DSG2: variants seen among roughly 807,000 people sequenced by gnomAD.
The protein encoded by DSG2 is desmoglein 2.
A neutral mutation model predicts 75.6 loss-of-function variants in DSG2; 45 were observed. The ratio of observed to expected loss-of-function variants is 0.60; its 90% confidence interval spans 0.47 to 0.76. DSG2 has a LOEUF of 0.76. Ranked by LOEUF, DSG2 falls within the 30% of genes least tolerant of loss-of-function variation. The probability of loss-of-function intolerance (pLI) is 0.00; values close to 1 mark genes in which losing one functional copy is unlikely to be tolerated. For synonymous variants in DSG2, 429 were observed against 483.9 expected, an observed-to-expected ratio of 0.89 and a Z score of 1.49; for missense variants, 1,267 against 1,357.4, an observed-to-expected ratio of 0.93 and a Z score of 1.05.
intron 13 of DSG2, among the ~76,000 whole-genome samples, chr18:31,541,694 C>T (rs531215214): frequency 6.6e-6 from 1 of 152,308 alleles, no homozygotes; most frequent in South Asian, 2.1e-4. Flanking sequence ...CCCCATGACA[C>T]TTGTAAAATG....
chr18:31,516,421 G>C (rs111834858), intron 1 of DSG2, among the ~76,000 whole-genome samples: 2 of 152,322 alleles, frequency 1.3e-5, no homozygotes, highest in African/African-American at 4.8e-5. Context: ...CATCTCATAA[G>C]AGTGAATAGG....
chr18:31,513,698 C>T lies in DSG2; in HGVS notation c.46-4541C>T, dbSNP rs74666173. Among the ~76,000 whole-genome samples the T allele has an allele frequency of 5.5e-3, 842 of 152,298 alleles. 8 individuals are homozygous for T. Among genetic ancestry groups the T allele is most frequent in the African/African-American group, 0.019 (788 of 41,554 alleles). On this transcript the variant is annotated intron_variant, in intron 1 of 14. Transcript: ENST00000261590. ...TCTGGCAGGATCTCCTCCCCGCTTC[C>T]CTCTGCCCTGAGGATGGGTTAGACT...
chr18:31,510,517 T>C (rs1375344713), intron 1 of DSG2, among the ~76,000 whole-genome samples: 2 of 152,094 alleles, frequency 1.3e-5, no homozygotes, highest in African/African-American at 4.8e-5. Context: ...GAAAGTCTTT[T>C]CTAAAAGTGC....
intron 9 of DSG2, among the ~76,000 whole-genome samples, chr18:31,533,998 T>C (rs1218437606): frequency 2.0e-5 from 3 of 148,848 alleles, no homozygotes; most frequent in African/African-American, 7.4e-5. Flanking sequence ...TTTCTTTTTT[T>C]TTTTTTTTTT....
chr18:31,500,036 T>TAAAAA (rs10625787), intron 1 of DSG2, among the ~76,000 whole-genome samples: 53 of 110,944 alleles, frequency 4.8e-4, no homozygotes, highest in Middle Eastern at 5.3e-3. Context: ...AGTTTTTTGG[T>TAAAAA]AAAAAAAAAA....
intron 1 of DSG2, among the ~76,000 whole-genome samples, chr18:31,504,141 C>T (rs946535956): frequency 1.3e-5 from 2 of 152,146 alleles, no homozygotes; most frequent in Non-Finnish European, 2.9e-5. Flanking sequence ...GGTCTCACCT[C>T]GAAATCACAC....
intron 3 of DSG2, 52 bp downstream of exon 3, chr18:31,519,989 TGAGAGGACTTTTATGTCTACTTTAA>T (rs1260221467): frequency 1.9e-6 from 3 of 1,610,614 alleles, no homozygotes; most frequent in Non-Finnish European, 2.5e-6. Flanking sequence ...AAATGTGGTG[TGAGAGGACTTTTATGTCTACTTTAA>T]GATTTAAGGA....
chr18:31,515,062 G>A (rs952895659), intron 1 of DSG2, among the ~76,000 whole-genome samples: 6 of 152,150 alleles, frequency 3.9e-5, no homozygotes, highest in Non-Finnish European at 8.8e-5. Context: ...TCAAAGAGAA[G>A]AGTCTGATGG....
At chr18:31,541,100 AG>A in intron 12 of DSG2, 92 bp from the exon 13 acceptor site, 4 of 1,501,640 alleles carry the variant, frequency 2.7e-6, no homozygotes, top group Non-Finnish European at 3.7e-6. Flanking sequence ...AGACAAGTCC[AG>A]GAAGGGACAT....
intron 9 of DSG2, 44 bp downstream of exon 9, chr18:31,531,296 T>G: frequency 6.2e-7 from 1 of 1,603,536 alleles, no homozygotes; most frequent in Non-Finnish European, 8.5e-7. Context: ...TAAATTATTT[T>G]CAGTGCCTAT....
intron 1 of DSG2, 78 bp downstream of exon 1, chr18:31,498,374 C>G (rs2072995424): frequency 4.1e-6 from 5 of 1,233,022 alleles, no homozygotes; most frequent in Non-Finnish European, 5.1e-6. Context: ...CGCGACCAGA[C>G]TTGCCCGCCG....
At chr18:31,532,354 C>G (rs1325896200) in intron 9 of DSG2, among the ~76,000 whole-genome samples, 4 of 152,094 alleles carry the variant, frequency 2.6e-5, no homozygotes, top group Non-Finnish European at 5.9e-5. Flanking sequence ...GCCCTCATGA[C>G]TTAATCACTT....
Position 31,530,975 on chromosome 18 carries a change from T to C in DSG2, c.1015-12T>C. The C allele has an allele frequency of 6.2e-7, 1 of 1,613,700 alleles. No homozygotes were observed. The highest frequency in any genetic ancestry group is 1.7e-5 in the Admixed American group (1 of 60,014). On this transcript the variant is annotated splice_polypyrimidine_tract_variant and intron_variant, in intron 8 of 14. Transcript: ENST00000261590. The stretch of plus-strand genomic sequence containing the variant: ...CTCTTTGAAAAGAATTCCCTTTGGT[T>C]TTCCCTTTCAGGAAGTAGATTATGA...
chr18:31,541,229 AG>A lies in DSG2; in HGVS notation c.1919del (p.Gly640AlafsTer12). On this transcript the variant is annotated frameshift_variant, in exon 13 of 15. Coordinates refer to ENST00000261590, the MANE Select transcript of DSG2 (RefSeq NM_001943.5). LOFTEE classifies it high-confidence loss of function. ...PLLLLMCHCG[K>X]GAKGFTPIPG... is the part of the protein sequence containing the mutation. Reference sequence around the variant, plus strand: ...TTACTGCTGATGTGCCATTGCGGAAAGGGCGCCAAAGGCTTTACCCCCATAC... The same window carrying A: ...TTACTGCTGATGTGCCATTGCGGAAAGGCGCCAAAGGCTTTACCCCCATAC... The A allele has an allele frequency of 6.2e-7, 1 of 1,614,202 alleles. No homozygotes were observed. The highest frequency in any genetic ancestry group is 8.5e-7 in the Non-Finnish European group (1 of 1,180,020).
In DSG2 at chr18:31,548,206, C is replaced by T. The variant is rs1332654940; in HGVS notation, c.*1463C>T. On this transcript the variant is annotated 3_prime_UTR_variant, in exon 15 of 15. Transcript: ENST00000261590. ...CCTTTTCTACAAGTTAATTTTTTTA[C>T]AAATCATTTGGGTTATCTCCTAAAT... is the stretch of plus-strand genomic sequence containing the variant. 6.6e-6 allele frequency: 1 copy of T among 152,062 alleles called. No homozygotes were observed. Among genetic ancestry groups the T allele is most frequent in the Non-Finnish European group, 1.5e-5 (1 of 67,988 alleles). 9.4% of individuals were successfully genotyped at this position (152,062 alleles called of 1,614,324 possible). A position where few individuals can be genotyped will look rare whatever the true frequency, so the allele number is the denominator to read the frequency against.
chr18:31,548,053 G>A lies in DSG2; in HGVS notation c.*1310G>A, dbSNP rs1007496921. The A allele has an allele frequency of 6.6e-6, 1 of 151,966 alleles. No individual in the cohort carries two copies. Among genetic ancestry groups the A allele is most frequent in the Non-Finnish European group, 1.5e-5 (1 of 67,948 alleles). The allele number at this position is 151,966 out of a possible 1,614,324, so 9.4% of individuals were successfully genotyped here. A position where few individuals can be genotyped will look rare whatever the true frequency, so the allele number is the denominator to read the frequency against. On this transcript the variant is annotated 3_prime_UTR_variant, in exon 15 of 15. Transcript: ENST00000261590. ...AAATCTCAAAAGGCCCTGTATTTAT[G>A]TAATTCTTTGAAATTATTATTTTAT...
rs727505205 is a variant in DSG2 at position 31,519,819 on chromosome 18, A to G, written c.98A>G (p.Asn33Ser). The G allele has an allele frequency of 2.4e-5, 39 of 1,614,092 alleles. No homozygotes were observed. The highest frequency in any genetic ancestry group is 3.2e-5 in the Non-Finnish European group (38 of 1,180,046). ...TTGTTATAGGTCTTAAGCACAAGAA[A>G]TGAAAATAAGCTGCTTCCTAAACAT... ...GLHLQVLSTR[N>S]ENKLLPKHPH... The change falls in exon 3 of 15, where the codon AAT becomes AGT. Residue 33 changes from asparagine (N) to serine (S), a missense_variant. Transcript: ENST00000261590.
chr18:31,538,267 C>CA, intron 11 of DSG2, among the ~76,000 whole-genome samples: 1 of 151,586 alleles, frequency 6.6e-6, no homozygotes, highest in South Asian at 2.1e-4. Context: ...GTGTTGAGAA[C>CA]AAAAAAAGAA....
At chr18:31,536,772 A>C (rs914442810) in intron 11 of DSG2, among the ~76,000 whole-genome samples, 1 of 152,344 alleles carries the variant, frequency 6.6e-6, no homozygotes, top group East Asian at 1.9e-4. Context: ...TTAAAACAAC[A>C]TTTATTGAGC....
Sources: allele counts gnomAD v4.1 joint callset (sites outside exome capture counted in the v4.1 genomes callset), GRCh38; gene constraint gnomAD v4.1.1; transcripts MANE v1.5; gene names NCBI Gene and HGNC (gene_info 2026-07-23, HGNC 2026-07-21).